The following MAP3K5 variants were observed in gnomAD, a reference collection of about 807,000 sequenced individuals.
MAP3K5 encodes ASK-1.
In MAP3K5, 56 loss-of-function variants were observed where a neutral mutation model predicts 158.7. That is an observed-to-expected ratio of 0.35 (90% CI 0.28 to 0.44). The LOEUF is 0.44. Ranked by LOEUF, MAP3K5 falls within the 20% of genes least tolerant of loss-of-function variation. The pLI is 1.00. For missense variants in MAP3K5, 1,294 were observed against 1,674.8 expected (o/e 0.77, Z 3.97); for synonymous variants, 579 against 601.7 (o/e 0.96, Z 0.55).
intron 28 of MAP3K5, among the ~76,000 whole-genome samples, chr6:136,559,185 T>C (rs912112442): frequency 1.3e-5 from 2 of 152,208 alleles, no homozygotes; most frequent in African/African-American, 4.8e-5. Flanking sequence ...ACCCCATCTC[T>C]ACTAAAAATA....
At chr6:136,746,287 A>AG (rs137967340) in intron 1 of MAP3K5, among the ~76,000 whole-genome samples, 19,554 of 151,358 alleles carry the variant, frequency 0.13, 4,254 homozygotes, top group African/African-American at 0.45. Context: ...TAAAATTTTG[A>AG]GGGGGGGGCA....
At chr6:136,666,664 C>A (rs1779242629) in intron 8 of MAP3K5, among the ~76,000 whole-genome samples, 1 of 152,074 alleles carries the variant, frequency 6.6e-6, no homozygotes, top group African/African-American at 2.4e-5. Flanking sequence ...CCTCGAAAAT[C>A]CATTTAATCC....
intron 2 of MAP3K5, among the ~76,000 whole-genome samples, chr6:136,715,859 C>T (rs1366320241): frequency 1.3e-5 from 2 of 151,272 alleles, no homozygotes; most frequent in Non-Finnish European, 2.9e-5. Context: ...GGCGAAACCC[C>T]GTCTCTACTA....
chr6:136,621,963 G>C (rs903325771), intron 15 of MAP3K5, among the ~76,000 whole-genome samples: 1 of 151,984 alleles, frequency 6.6e-6, no homozygotes, highest in Non-Finnish European at 1.5e-5. Context: ...GCAGGCACCT[G>C]TAGTCCCAGC....
intron 15 of MAP3K5, among the ~76,000 whole-genome samples, chr6:136,620,318 A>C (rs910079339): frequency 1.3e-5 from 2 of 152,190 alleles, no homozygotes; most frequent in Non-Finnish European, 2.9e-5. Flanking sequence ...ATTGGGTTAC[A>C]TACTCACTAC....
chr6:136,601,968 A>G lies in MAP3K5; in HGVS notation c.2691T>C (p.Phe897=), dbSNP rs746293466. The change falls in exon 20 of 30, where the codon TTT becomes TTC. Residue 897 remains phenylalanine, a synonymous_variant. Coordinates refer to ENST00000359015, the MANE Select transcript of MAP3K5 (RefSeq NM_005923.4). ...PQAAMFKVGM[F]KVHPEIPESM... The stretch of plus-strand genomic sequence containing the variant: ...ACTCTGGGATCTCAGGGTGGACTTT[A>G]AACATTCCCACCTAAGACATAAATA... 1.6e-5 allele frequency: 26 copies of G among 1,613,424 alleles called. No homozygotes were observed. Among genetic ancestry groups the G allele is most frequent in the Middle Eastern group, 3.3e-4 (2 of 6,056 alleles).
rs139100951 is a variant in MAP3K5, at chr6:136,560,929, G to A, written c.3987+604C>T. On this transcript the variant is annotated intron_variant, in intron 28 of 29. Transcript: ENST00000359015. ...TGCCCTCCAGCCAGGGTAACAGAGC[G>A]AGACCTTGTCTCCAAAAAAATATAA... Among the ~76,000 whole-genome samples the A allele has an allele frequency of 5.2e-3, 732 of 141,026 alleles. 6 individuals are homozygous for A. Among genetic ancestry groups the A allele is most frequent in the East Asian group, 0.045 (207 of 4,606 alleles). The allele number at this position is 141,026 out of a possible 152,430, so 92.5% of individuals were successfully genotyped here.
chr6:136,645,524 A>C (rs1051273335), intron 11 of MAP3K5, among the ~76,000 whole-genome samples: 3 of 152,184 alleles, frequency 2.0e-5, no homozygotes, highest in Non-Finnish European at 4.4e-5. Context: ...AAGGGGGGGA[A>C]ATTCTAAATA....
intron 1 of MAP3K5, among the ~76,000 whole-genome samples, chr6:136,789,305 G>A (rs1202239938): frequency 6.6e-6 from 1 of 152,192 alleles, no homozygotes; most frequent in Non-Finnish European, 1.5e-5. Context: ...GTGAGACCTT[G>A]TCTCTAAAAC....
At chr6:136,739,223 C>A (rs1225442650) in intron 1 of MAP3K5, among the ~76,000 whole-genome samples, 3 of 152,144 alleles carry the variant, frequency 2.0e-5, no homozygotes. Flanking sequence ...GCTGACCAGG[C>A]ATTACAAATG....
In MAP3K5 at chr6:136,792,386, C is replaced by T. The variant is rs1721190777; in HGVS notation, c.-229G>A. On this transcript the variant is annotated 5_prime_UTR_variant, in exon 1 of 30. Coordinates refer to ENST00000359015, the MANE Select transcript of MAP3K5 (RefSeq NM_005923.4). This position sits in a 1 kb window ranked among gnomAD's most constrained non-coding sequence, Gnocchi z 5.7. ...GCGCCTCCGTGGCCGCGCCGCTCGC[C>T]CTCTGCAGAGTTTAGAGTACAAGGG... The T allele has an allele frequency of 1.0e-6, 1 of 997,940 alleles. No homozygotes were observed. The highest frequency in any genetic ancestry group is 1.7e-5 in the African/African-American group (1 of 57,382). The allele number at this position is 997,940 out of a possible 1,614,324, so 61.8% of individuals were successfully genotyped here.
intron 1 of MAP3K5, among the ~76,000 whole-genome samples, chr6:136,756,131 A>G (rs957053480): frequency 6.8e-6 from 1 of 146,742 alleles, no homozygotes; most frequent in African/African-American, 2.6e-5. Context: ...ACATGGCAAA[A>G]CCCCGCCTCT....
chr6:136,561,467 A>G, intron 28 of MAP3K5, 66 bp downstream of exon 28: 1 of 1,177,362 alleles, frequency 8.5e-7, no homozygotes, highest in Non-Finnish European at 1.3e-6. Flanking sequence ...TGCCTGTCAC[A>G]TAGCAGGCAC....
intron 25 of MAP3K5, 76 bp from the exon 26 acceptor site, chr6:136,567,950 C>T (rs1182437734): frequency 1.4e-6 from 2 of 1,439,158 alleles, no homozygotes; most frequent in Non-Finnish European, 9.5e-7. Context: ...ATGAATGCTA[C>T]CCTCCTGCCC....
chr6:136,661,761 G>A (rs1018319688), intron 8 of MAP3K5, among the ~76,000 whole-genome samples: 6 of 151,888 alleles, frequency 4.0e-5, no homozygotes, highest in African/African-American at 7.3e-5. Context: ...GGCTCATCTC[G>A]AACTCCTGGG....
At chr6:136,668,746 G>A (rs145720471) in intron 8 of MAP3K5, among the ~76,000 whole-genome samples, 3 of 152,096 alleles carry the variant, frequency 2.0e-5, no homozygotes, top group Admixed American at 1.3e-4. Context: ...ACATTCTGTC[G>A]ATGGCTATGA....
chr6:136,733,026 G>A (rs978680495), intron 1 of MAP3K5, among the ~76,000 whole-genome samples: 6 of 152,068 alleles, frequency 3.9e-5, no homozygotes, highest in Admixed American at 3.3e-4. Flanking sequence ...TTGAGACAGG[G>A]TCTTGCTCTG....
chr6:136,584,347 A>C (rs1775019530), intron 23 of MAP3K5: 4 of 152,796 alleles, frequency 2.6e-5, no homozygotes, highest in Non-Finnish European at 5.8e-5. Context: ...CACTGCTGAA[A>C]ACACATACCC....
chr6:136,640,502 C>T (rs1223974294), intron 12 of MAP3K5, among the ~76,000 whole-genome samples: 6 of 152,166 alleles, frequency 3.9e-5, no homozygotes, highest in African/African-American at 1.4e-4. Context: ...ATTTAAGGCC[C>T]AGCTTAGACC....
Sources: gnomAD v4.1 joint callset for allele counts (sites outside exome capture counted in the v4.1 genomes callset) on GRCh38, gnomAD v4.1.1 for gene constraint, Gnocchi (gnomAD v3.1) non-coding constraint, MANE v1.5 for transcripts, NCBI Gene and HGNC (gene_info 2026-07-23, HGNC 2026-07-21) for gene names.